The following EXT1 variants were observed in gnomAD, a reference collection of about 807,000 sequenced individuals.
EXT1 encodes exostosin-1.
A neutral mutation model predicts 82.5 loss-of-function variants in EXT1; 20 were observed. The observed-to-expected ratio is 0.24, with a 90% confidence interval of 0.17 to 0.35. The LOEUF is 0.35. Ranked by LOEUF, EXT1 falls within the 10% of genes least tolerant of loss-of-function variation. The probability of loss-of-function intolerance (pLI) is 1.00; values close to 1 mark genes in which losing one functional copy is unlikely to be tolerated. For synonymous variants in EXT1, 348 were observed against 350.8 expected, an observed-to-expected ratio of 0.99 and a Z score of 0.09; for missense variants, 757 against 936.5, an observed-to-expected ratio of 0.81 and a Z score of 2.50.
chr8:118,062,258 TG>T (rs1268547708), intron 1 of EXT1, among the ~76,000 whole-genome samples: 6 of 152,218 alleles, frequency 3.9e-5, no homozygotes, highest in African/African-American at 1.4e-4. Flanking sequence ...CTCACTGAGT[TG>T]CTCAAGAAAT....
At chr8:118,073,830 A>G (rs1398008200) in intron 1 of EXT1, among the ~76,000 whole-genome samples, 4 of 152,204 alleles carry the variant, frequency 2.6e-5, no homozygotes, top group African/African-American at 9.7e-5. Context: ...TTACTGAGCA[A>G]TTACTAAAGC....
intron 1 of EXT1, among the ~76,000 whole-genome samples, chr8:118,037,758 T>A (rs1450874311): frequency 3.3e-5 from 5 of 152,144 alleles, no homozygotes; most frequent in Non-Finnish European, 7.4e-5. Flanking sequence ...TTTGGGTGAG[T>A]TAGTTCCAGC....
chr8:118,039,504 G>A (rs930889238), intron 1 of EXT1, among the ~76,000 whole-genome samples: 1 of 146,738 alleles, frequency 6.8e-6, no homozygotes, highest in Non-Finnish European at 1.5e-5. Flanking sequence ...AGGCTGCAGT[G>A]AGCCGAGATG....
chr8:117,868,589 C>T (rs1812813575), intron 1 of EXT1, among the ~76,000 whole-genome samples: 1 of 152,014 alleles, frequency 6.6e-6, no homozygotes, highest in Non-Finnish European at 1.5e-5. Context: ...GTAGCTGGGA[C>T]CTCAGTACAT....
At position 117,822,930 on chromosome 8, in the gene EXT1, C is replaced by A. The variant is rs542190095; in HGVS notation, c.1285-333G>T. Among the ~76,000 whole-genome samples, 5 of 152,228 alleles carry A rather than the reference C, an allele frequency of 3.3e-5. No individual in the cohort carries two copies. The South Asian group carries it at 6.2e-4, about 19-fold the overall frequency. On this transcript the variant is annotated intron_variant, in intron 4 of 10. Coordinates refer to ENST00000378204, the MANE Select transcript of EXT1 (RefSeq NM_000127.3). ...AGTTAGTCTTTCCCTGATGGTTAAA[C>A]TTCTAAGAACTAAGATAGGTTCCAG...
chr8:117,864,314 T>C (rs1812735541), intron 1 of EXT1, among the ~76,000 whole-genome samples: 2 of 152,206 alleles, frequency 1.3e-5, no homozygotes, highest in Admixed American at 6.5e-5. Context: ...CACAGCACTG[T>C]CACTAAGTTT....
intron 1 of EXT1, among the ~76,000 whole-genome samples, chr8:117,985,006 G>C (rs2129775325): frequency 6.6e-6 from 1 of 151,816 alleles, no homozygotes; most frequent in Non-Finnish European, 1.5e-5. Context: ...CCTGAGGTAA[G>C]GTCTTTCAGA....
At chr8:117,810,705 C>T (rs1823304900) in intron 8 of EXT1, among the ~76,000 whole-genome samples, 2 of 152,150 alleles carry the variant, frequency 1.3e-5, no homozygotes, top group Non-Finnish European at 2.9e-5. Context: ...TGCACCATGG[C>T]GGTGTGCTGC....
intron 1 of EXT1, among the ~76,000 whole-genome samples, chr8:118,081,798 T>G (rs1170373690): frequency 1.3e-5 from 2 of 152,200 alleles, no homozygotes; most frequent in Non-Finnish European, 2.9e-5. Context: ...ACCACTAATG[T>G]ATTAACAGTC....
At chr8:118,040,824 C>G (rs1295328146) in intron 1 of EXT1, among the ~76,000 whole-genome samples, 1 of 152,174 alleles carries the variant, frequency 6.6e-6, no homozygotes, top group Non-Finnish European at 1.5e-5. Context: ...TAAAAAGCAG[C>G]AATTGTTCAC....
rs575300643 is a variant in EXT1, at chr8:117,906,572, G to A, written c.963-69371C>T. Among the ~76,000 whole-genome samples, 7 of 152,266 alleles carry A rather than the reference G, an allele frequency of 4.6e-5. No individual in the cohort carries two copies. The South Asian group carries it at 1.4e-3, about 32-fold the overall frequency. ...CCAACACCTTATGACCTCAGAAAAT[G>A]TATCCCAAATCTGTCTTAACACATG... is the stretch of plus-strand genomic sequence containing the variant. On this transcript the variant is annotated intron_variant, in intron 1 of 10. Transcript: ENST00000378204.
chr8:118,106,595 C>T (rs1817806302), intron 1 of EXT1, among the ~76,000 whole-genome samples: 3 of 152,150 alleles, frequency 2.0e-5, no homozygotes, highest in African/African-American at 7.2e-5. Context: ...AAATATTCAC[C>T]CTTGCTTTCC....
Position 117,818,474 on chromosome 8 carries a change from G to A in EXT1, c.1593C>T (p.Ala531=). 1 of 1,614,122 alleles carries A rather than the reference G, an allele frequency of 6.2e-7. No individual in the cohort carries two copies. The highest frequency in any genetic ancestry group is 8.5e-7 in the Non-Finnish European group (1 of 1,180,024). ...KPLPAKHRWP[A]TAVPVVVIEG... ...CAATGACGACGACAGGCACAGCAGT[G>A]GCAGGCCAGCGGTGTTTGGCTGGTA... is the stretch of plus-strand genomic sequence containing the variant. The change falls in exon 7 of 11, where the codon GCC becomes GCT. Residue 531 remains alanine, a synonymous_variant. Coordinates refer to ENST00000378204, the MANE Select transcript of EXT1 (RefSeq NM_000127.3).
chr8:118,075,779 C>T (rs1563648474), intron 1 of EXT1, among the ~76,000 whole-genome samples: 1 of 151,870 alleles, frequency 6.6e-6, no homozygotes, highest in South Asian at 2.1e-4. Flanking sequence ...TCTCACATGG[C>T]AAGAGAAGGA....
At chr8:117,913,809 T>C (rs1479421429) in intron 1 of EXT1, among the ~76,000 whole-genome samples, 1 of 152,220 alleles carries the variant, frequency 6.6e-6, no homozygotes, top group Non-Finnish European at 1.5e-5. Context: ...CACTTGCTTT[T>C]AATAACAACA....
At chr8:118,019,068 T>C (rs890560569) in intron 1 of EXT1, among the ~76,000 whole-genome samples, 1 of 150,262 alleles carries the variant, frequency 6.7e-6, no homozygotes, top group African/African-American at 2.5e-5. Context: ...GTGCTTTTGG[T>C]AGCTCTAGAG....
intron 1 of EXT1, among the ~76,000 whole-genome samples, chr8:117,887,465 C>T (rs1813166395): frequency 6.6e-6 from 1 of 152,186 alleles, no homozygotes; most frequent in African/African-American, 2.4e-5. Flanking sequence ...GATCCTCCTG[C>T]CTCGGCCTCC....
At chr8:117,991,237 A>G (rs1369988395) in intron 1 of EXT1, among the ~76,000 whole-genome samples, 1 of 151,992 alleles carries the variant, frequency 6.6e-6, no homozygotes, top group African/African-American at 2.4e-5. Flanking sequence ...CAGCCTCCCA[A>G]GTAGCTGGGA....
intron 1 of EXT1, among the ~76,000 whole-genome samples, chr8:118,027,313 TCACACACACACA>T (rs71307421): frequency 0.017 from 2,408 of 145,452 alleles, 51 homozygotes; most frequent in African/African-American, 0.051. Context: ...TCAGTTTCTT[TCACACACACACA>T]CACACACACA....
Sources: gnomAD v4.1 joint callset for allele counts (sites outside exome capture counted in the v4.1 genomes callset) on GRCh38, gnomAD v4.1.1 for gene constraint, MANE v1.5 for transcripts, NCBI Gene and HGNC (gene_info 2026-07-23, HGNC 2026-07-21) for gene names.